Variants in THEMIS observed in about 807,000 individuals in gnomAD.
The protein encoded by THEMIS is thymocyte selection associated.
Under a neutral mutation model 52.6 loss-of-function variants are expected in THEMIS, and 37 were observed. That is an observed-to-expected ratio of 0.70 (90% CI 0.54 to 0.93). THEMIS has a LOEUF of 0.93. THEMIS is among the 40% of genes least tolerant of loss of function. THEMIS has a pLI of 0.00. For synonymous variants in THEMIS, 292 were observed against 272.7 expected, an observed-to-expected ratio of 1.07 and a Z score of -0.70; for missense variants, 808 against 763.1, an observed-to-expected ratio of 1.06 and a Z score of -0.69.
intron 4 of THEMIS, among the ~76,000 whole-genome samples, chr6:127,735,157 C>G (rs6934865): frequency 0.47 from 70,586 of 151,410 alleles, 17,976 homozygotes; most frequent in Non-Finnish European, 0.59. Flanking sequence ...TAAAACAGAA[C>G]CTATAGTTTA....
At chr6:127,790,083 A>G (rs891303689) in intron 4 of THEMIS, among the ~76,000 whole-genome samples, 1 of 152,240 alleles carries the variant, frequency 6.6e-6, no homozygotes, top group Non-Finnish European at 1.5e-5. Flanking sequence ...GAGAAAGCCA[A>G]ATTGTCTCTG....
intron 4 of THEMIS, among the ~76,000 whole-genome samples, chr6:127,747,654 T>C (rs2114318905): frequency 6.6e-6 from 1 of 151,970 alleles, no homozygotes; most frequent in South Asian, 2.1e-4. Context: ...GATAATCATT[T>C]TTGCATAAAA....
rs1278961339 is a variant in THEMIS, at chr6:127,851,342, T to G, written c.250+3688A>C. ...ACTCAAAGATTCATGCCTAGACATG[T>G]GATGATCAAATGGTTGAAAATCAAA... On this transcript the variant is annotated intron_variant, in intron 2 of 5. Coordinates refer to ENST00000368248, the MANE Select transcript of THEMIS (RefSeq NM_001010923.3). Among the ~76,000 whole-genome samples the G allele has an allele frequency of 1.9e-4, 29 of 151,658 alleles. No individual in the cohort carries two copies. The Admixed American group carries it at 1.9e-3, about 10-fold the overall frequency.
chr6:127,881,281 T>C (rs1295951242), intron 1 of THEMIS, among the ~76,000 whole-genome samples: 4 of 152,086 alleles, frequency 2.6e-5, no homozygotes, highest in Non-Finnish European at 5.9e-5. Context: ...TAATTTGTAC[T>C]TGTTAAAAAT....
chr6:127,897,837 A>G (rs1003617009), intron 1 of THEMIS, among the ~76,000 whole-genome samples: 1 of 151,690 alleles, frequency 6.6e-6, no homozygotes, highest in Non-Finnish European at 1.5e-5. Flanking sequence ...AAGAATTTTC[A>G]TGACAAAATT....
chr6:127,909,586 A>G (rs1214513783), intron 1 of THEMIS, among the ~76,000 whole-genome samples: 3 of 152,140 alleles, frequency 2.0e-5, no homozygotes, highest in Non-Finnish European at 4.4e-5. Flanking sequence ...TTTATAAATT[A>G]GCTAGTCCTG....
intron 2 of THEMIS, among the ~76,000 whole-genome samples, chr6:127,833,289 AT>A (rs1400070619): frequency 6.6e-6 from 1 of 152,152 alleles, no homozygotes; most frequent in Non-Finnish European, 1.5e-5. Flanking sequence ...CCCATTCTTA[AT>A]GATTTGCAGT....
In THEMIS at chr6:127,812,875, AG is replaced by A; in HGVS notation, c.1758+7del. ...TCCAGAGAAAACATTGCAAAACCAT[AG>A]CCTTACCTTGGGAGACTTGGGCAGG... On this transcript the variant is annotated splice_region_variant and intron_variant, in intron 4 of 5. Transcript: ENST00000368248. 6.4e-7 allele frequency: 1 copy of A among 1,574,372 alleles called. No individual in the cohort carries two copies. The highest frequency in any genetic ancestry group is 8.6e-7 in the Non-Finnish European group (1 of 1,160,888).
chr6:127,883,213 A>T (rs1212000440), intron 1 of THEMIS, among the ~76,000 whole-genome samples: 8 of 151,960 alleles, frequency 5.3e-5, no homozygotes, highest in Admixed American at 5.2e-4. Flanking sequence ...TGGTTCTATG[A>T]TGATAGCATT....
At chr6:127,739,573 G>A (rs1775126399) in intron 4 of THEMIS, among the ~76,000 whole-genome samples, 1 of 151,966 alleles carries the variant, frequency 6.6e-6, no homozygotes, top group East Asian at 1.9e-4. Context: ...CCCGGGAGGC[G>A]AGCTTACTGT....
chr6:127,703,159 T>C (rs1228058360), downstream of THEMIS, among the ~76,000 whole-genome samples: 2 of 144,732 alleles, frequency 1.4e-5, no homozygotes, highest in Non-Finnish European at 3.0e-5. Flanking sequence ...GCCATTCTCC[T>C]GCCTCAGCCT....
At chr6:127,754,890 T>C (rs1051676314) in intron 4 of THEMIS, among the ~76,000 whole-genome samples, 1 of 152,160 alleles carries the variant, frequency 6.6e-6, no homozygotes, top group African/African-American at 2.4e-5. Flanking sequence ...ATTTAATGGA[T>C]ATTCATAATA....
intron 4 of THEMIS, among the ~76,000 whole-genome samples, chr6:127,735,209 T>C (rs762885295): frequency 2.6e-5 from 4 of 151,974 alleles, no homozygotes; most frequent in Non-Finnish European, 5.9e-5. Context: ...GGTGGCAATC[T>C]AACAACAAGA....
At chr6:127,713,909 T>A (rs901360267) in intron 5 of THEMIS, among the ~76,000 whole-genome samples, 1 of 151,808 alleles carries the variant, frequency 6.6e-6, no homozygotes. Context: ...GAATGGACAC[T>A]ATGGGCCATG....
In THEMIS at chr6:127,836,762, G is replaced by A. The variant is rs17055060; in HGVS notation, c.251-6828C>T. Among the ~76,000 whole-genome samples the A allele has an allele frequency of 1.5e-3, 221 of 152,160 alleles. 7 individuals are homozygous for A. In the East Asian group the frequency reaches 0.04, roughly 27 times the overall value. On this transcript the variant is annotated intron_variant, in intron 2 of 5. Transcript: ENST00000368248. ...AATTTGAAAATCCTGCCTAAAATCA[G>A]CACTGGGCTCATGAACTGGCTAACC...
intron 4 of THEMIS, among the ~76,000 whole-genome samples, chr6:127,768,841 C>T (rs1166391382): frequency 1.3e-5 from 2 of 152,150 alleles, no homozygotes; most frequent in East Asian, 1.9e-4. Flanking sequence ...GCTTTGCTTT[C>T]GATGAACAGG....
intron 4 of THEMIS, among the ~76,000 whole-genome samples, chr6:127,745,362 T>C (rs1429354156): frequency 1.3e-5 from 2 of 151,838 alleles, no homozygotes; most frequent in African/African-American, 2.4e-5. Context: ...TAATGCAGAA[T>C]AGGGAAATTG....
intron 4 of THEMIS, among the ~76,000 whole-genome samples, chr6:127,755,974 C>T (rs2114360648): frequency 6.6e-6 from 1 of 151,958 alleles, no homozygotes; most frequent in Non-Finnish European, 1.5e-5. Flanking sequence ...TTGCAGTCAG[C>T]TGAGATCACA....
intron 4 of THEMIS, among the ~76,000 whole-genome samples, chr6:127,797,712 A>T (rs547634965): frequency 4.5e-4 from 69 of 152,348 alleles, no homozygotes; most frequent in African/African-American, 1.6e-3. Flanking sequence ...AATTCACAGG[A>T]TATGGTTAAC....
Sources: allele counts gnomAD v4.1 joint callset (sites outside exome capture counted in the v4.1 genomes callset), GRCh38; gene constraint gnomAD v4.1.1; transcripts MANE v1.5; gene names NCBI Gene and HGNC (gene_info 2026-07-23, HGNC 2026-07-21).